The following ARHGAP32 variants were observed in gnomAD, a reference collection of about 807,000 sequenced individuals.
The protein encoded by ARHGAP32 is Rho GTPase activating protein 32.
In ARHGAP32, 51 loss-of-function variants were observed where a neutral mutation model predicts 186.5. That is an observed-to-expected ratio of 0.27 (90% CI 0.22 to 0.35). ARHGAP32 has a LOEUF of 0.35. Among genes scored for constraint, ARHGAP32 ranks in the 10% least tolerant of loss-of-function variants. ARHGAP32 has a pLI of 1.00. For missense variants in ARHGAP32, 2,186 were observed against 2,623.5 expected (o/e 0.83, Z 3.64); for synonymous variants, 950 against 964.3 (o/e 0.99, Z 0.27).
chr11:129,242,681 G>A, intron 1 of ARHGAP32, among the ~76,000 whole-genome samples: 1 of 150,622 alleles, frequency 6.6e-6, no homozygotes, highest in Non-Finnish European at 1.5e-5. Flanking sequence ...TCACACCACT[G>A]CACTCCAGCC....
chr11:129,001,307 A>G (rs1946353245), intron 11 of ARHGAP32, among the ~76,000 whole-genome samples: 1 of 152,152 alleles, frequency 6.6e-6, no homozygotes, highest in Admixed American at 6.5e-5. Context: ...GATAAAAGCC[A>G]TTTTAACTAG....
intron 15 of ARHGAP32, among the ~76,000 whole-genome samples, chr11:128,985,108 C>T (rs1321377796): frequency 6.6e-6 from 1 of 152,124 alleles, no homozygotes; most frequent in Non-Finnish European, 1.5e-5. Context: ...CAACCTCCAC[C>T]TCCCAAGTTC....
In ARHGAP32 at chr11:129,138,296, TAA is replaced by T. The variant is rs9331713; in HGVS notation, c.226-13404_226-13403del. 4.9e-3 allele frequency among the ~76,000 whole-genome samples: 254 copies of T among 51,664 alleles called. 4 individuals carry two copies. Among genetic ancestry groups the T allele is most frequent in the Middle Eastern group, 9.4e-3 (1 of 106 alleles). The allele number at this position is 51,664 out of a possible 152,430, so 33.9% of individuals were successfully genotyped here. A position where few individuals can be genotyped will look rare whatever the true frequency, so the allele number is the denominator to read the frequency against. ...TAAGCCACAAGTATACCCTTACTGGTAAAAAAAAAAAAAAAAAAAGAACAATG... is the reference window on the plus strand; with the variant it reads ...TAAGCCACAAGTATACCCTTACTGGTAAAAAAAAAAAAAAAAAGAACAATG... On this transcript the variant is annotated intron_variant, in intron 2 of 22. Coordinates refer to ENST00000682385, the MANE Select transcript of ARHGAP32 (RefSeq NM_001378024.1).
At chr11:129,227,434 C>T (rs1187095436) in intron 1 of ARHGAP32, among the ~76,000 whole-genome samples, 1 of 148,670 alleles carries the variant, frequency 6.7e-6, no homozygotes, top group Non-Finnish European at 1.5e-5. Flanking sequence ...ATTAAATGTA[C>T]AAAGACTAAA....
chr11:129,147,453 CA>C, intron 2 of ARHGAP32, among the ~76,000 whole-genome samples: 1 of 151,944 alleles, frequency 6.6e-6, no homozygotes, highest in Admixed American at 6.6e-5. Context: ...GAAAAAGAGG[CA>C]AAAAAAGTTA....
upstream of ARHGAP32, among the ~76,000 whole-genome samples, chr11:129,194,966 T>C (rs1336450565): frequency 6.7e-6 from 1 of 149,596 alleles, no homozygotes; most frequent in African/African-American, 2.5e-5. Flanking sequence ...GGGGTTGTTT[T>C]GTTTTGTTTT....
intron 2 of ARHGAP32, among the ~76,000 whole-genome samples, chr11:129,162,425 C>CA (rs1293030246): frequency 2.0e-5 from 3 of 151,970 alleles, no homozygotes; most frequent in Admixed American, 2.0e-4. Flanking sequence ...CTTGGTAAGT[C>CA]AAAAAATGGA....
rs376004669 is a variant in ARHGAP32, at chr11:128,985,960, A to G, written c.1526+43T>C. 10 of 1,501,818 alleles carry G rather than the reference A, an allele frequency of 6.7e-6. No individual in the cohort carries two copies. The African/African-American group carries it at 8.7e-5, about 13-fold the overall frequency. The allele number at this position is 1,501,818 out of a possible 1,614,324, so 93.0% of individuals were successfully genotyped here. A position where few individuals can be genotyped will look rare whatever the true frequency, so the allele number is the denominator to read the frequency against. ...AGGAAAAAAAAACGTTTACAGGTCAACCGACTTCTACCTCTGCCTGGTATT... is the reference window on the plus strand; with the variant it reads ...AGGAAAAAAAAACGTTTACAGGTCAGCCGACTTCTACCTCTGCCTGGTATT... On this transcript the variant is annotated intron_variant, in intron 15 of 22. Transcript: ENST00000682385.
At chr11:129,197,537 T>C (rs916743443) in intron 1 of ARHGAP32, among the ~76,000 whole-genome samples, 5 of 152,118 alleles carry the variant, frequency 3.3e-5, no homozygotes, top group South Asian at 4.1e-4. Flanking sequence ...AATATGAATA[T>C]AAATATAAAT....
At chr11:128,995,639 G>C (rs1177407457) in intron 12 of ARHGAP32, among the ~76,000 whole-genome samples, 5 of 152,208 alleles carry the variant, frequency 3.3e-5, no homozygotes, top group Non-Finnish European at 5.9e-5. Context: ...AGGAGTTCGA[G>C]ATCAGCCTGG....
At chr11:129,057,736 A>G (rs1965259635) in intron 10 of ARHGAP32, among the ~76,000 whole-genome samples, 1 of 151,400 alleles carries the variant, frequency 6.6e-6, no homozygotes, top group Non-Finnish European at 1.5e-5. Context: ...GTATTAGTGG[A>G]CTCGCAAAGG....
chr11:129,157,629 G>A (rs1943436331), intron 2 of ARHGAP32, among the ~76,000 whole-genome samples: 1 of 152,112 alleles, frequency 6.6e-6, no homozygotes, highest in Non-Finnish European at 1.5e-5. Flanking sequence ...GTGACGAGGA[G>A]AATGGAATCA....
chr11:129,058,780 A>C (rs1176063202), intron 10 of ARHGAP32, among the ~76,000 whole-genome samples: 3 of 152,252 alleles, frequency 2.0e-5, no homozygotes, highest in African/African-American at 7.2e-5. Flanking sequence ...CTAAGCTATT[A>C]TTTCAGTTAA....
chr11:129,060,442 A>G lies in ARHGAP32; in HGVS notation c.963+1838T>C, dbSNP rs540699439. ...TTAGTAGTAACATCAAGACCACAACATAACTATTATTTTAAAGCCAAATTA... is the reference window on the plus strand; with the variant it reads ...TTAGTAGTAACATCAAGACCACAACGTAACTATTATTTTAAAGCCAAATTA... On this transcript the variant is annotated intron_variant, in intron 10 of 22. Transcript: ENST00000682385. Among the ~76,000 whole-genome samples the G allele has an allele frequency of 8.5e-5, 13 of 152,304 alleles. No individual in the cohort carries two copies. The South Asian group carries it at 1.7e-3, about 19-fold the overall frequency.
intron 15 of ARHGAP32, among the ~76,000 whole-genome samples, chr11:128,984,880 TAAAC>T (rs147337941): frequency 0.27 from 41,495 of 151,892 alleles, 6,113 homozygotes; most frequent in Middle Eastern, 0.38. Context: ...AATACAGTGA[TAAAC>T]AAGACAGAAT....
chr11:129,228,842 A>G (rs987146633), intron 1 of ARHGAP32, among the ~76,000 whole-genome samples: 2 of 152,228 alleles, frequency 1.3e-5, no homozygotes, highest in South Asian at 2.1e-4. Context: ...TGTCCTGCAC[A>G]TGTATCCCAG....
intron 6 of ARHGAP32, among the ~76,000 whole-genome samples, chr11:129,074,734 C>A (rs12280795): frequency 1.3e-5 from 2 of 152,068 alleles, no homozygotes; most frequent in East Asian, 3.8e-4. Context: ...CCACATGATC[C>A]GCTCGCCTTG....
chr11:129,263,368 C>T (rs571802847), intron 1 of ARHGAP32, among the ~76,000 whole-genome samples: 23 of 152,080 alleles, frequency 1.5e-4, no homozygotes, highest in Admixed American at 1.3e-4. Flanking sequence ...ATGTAAAGAA[C>T]TCCTACAACT....
intron 1 of ARHGAP32, among the ~76,000 whole-genome samples, chr11:129,270,410 A>C (rs1945459172): frequency 6.6e-6 from 1 of 152,174 alleles, no homozygotes; most frequent in African/African-American, 2.4e-5. Context: ...AGCAGAGTCA[A>C]ACTACTCTAT....
Sources: allele counts gnomAD v4.1 joint callset (sites outside exome capture counted in the v4.1 genomes callset), GRCh38; gene constraint gnomAD v4.1.1; transcripts MANE v1.5; gene names NCBI Gene and HGNC (gene_info 2026-07-23, HGNC 2026-07-21).